GTF2B: variants seen among roughly 807,000 people sequenced by gnomAD.
GTF2B encodes the protein general transcription factor IIB, also known as transcription initiation factor IIB.
In GTF2B, 20 loss-of-function variants were observed where a neutral mutation model predicts 34.6. That is an observed-to-expected ratio of 0.58 (90% confidence interval 0.41 to 0.84). The LOEUF (loss-of-function observed/expected upper bound fraction) is 0.84. Among genes scored for constraint, GTF2B ranks in the 40% least tolerant of loss-of-function variants. The pLI is 0.00. For synonymous variants in GTF2B, 142 were observed against 132.4 expected, an observed-to-expected ratio of 1.07 and a Z score of -0.50; for missense variants, 237 against 393.3, an observed-to-expected ratio of 0.60 and a Z score of 3.36.
At chr1:88,859,650 A>G (rs1281703157) in intron 5 of GTF2B, among the ~76,000 whole-genome samples, 2 of 152,316 alleles carry the variant, frequency 1.3e-5, no homozygotes, top group East Asian at 3.9e-4. Flanking sequence ...AGCCTGGCCA[A>G]CATGGCGAAA....
rs1454187491 is a variant in GTF2B at position 88,891,552 on chromosome 1, A to T, written c.-53T>A. 1 of 1,554,808 alleles carries T rather than the reference A, an allele frequency of 6.4e-7. No individual in the cohort carries two copies. ...AAGACACAACAGACACACCGAAAGC[A>T]GGAAGCGAATGTGGCGAAGAGACGC... On this transcript the variant is annotated 5_prime_UTR_variant, in exon 1 of 7. Transcript: ENST00000370500.
At chr1:88,863,360 T>C (rs1184092229) in intron 3 of GTF2B, among the ~76,000 whole-genome samples, 2 of 152,016 alleles carry the variant, frequency 1.3e-5, no homozygotes, top group Non-Finnish European at 2.9e-5. Context: ...TTCTTTTTTT[T>C]TGAGACAGAG....
intron 6 of GTF2B, 124 bp downstream of exon 6, chr1:88,857,082 T>C: frequency 2.4e-6 from 2 of 839,760 alleles, no homozygotes; most frequent in East Asian, 2.4e-5. Flanking sequence ...ATTATAGGTG[T>C]GAGCCCCCGC....
At position 88,881,429 on chromosome 1, in the gene GTF2B, A is replaced by C. The variant is rs150252383; in HGVS notation, c.124+5832T>G. 3.6e-3 allele frequency among the ~76,000 whole-genome samples: 546 copies of C among 152,338 alleles called. 1 individual carries two copies. The highest frequency in any genetic ancestry group is 6.0e-3 in the Non-Finnish European group (406 of 68,028). ...GATTTTAATGCAATCTAAATGTACT[A>C]TTGATATATGACATTAATATATACA... On this transcript the variant is annotated intron_variant, in intron 2 of 6. Coordinates refer to ENST00000370500, the MANE Select transcript of GTF2B (RefSeq NM_001514.6).
chr1:88,880,070 AAAAAAGAAAAAG>A (rs942055372), intron 2 of GTF2B, among the ~76,000 whole-genome samples: 1 of 152,156 alleles, frequency 6.6e-6, no homozygotes, highest in African/African-American at 2.4e-5. Context: ...TCAAAAAAAT[AAAAAAGAAAAAG>A]AAAAAGAAAA....
At chr1:88,887,721 T>C (rs992275085) in intron 1 of GTF2B, 6 of 247,914 alleles carry the variant, frequency 2.4e-5, no homozygotes, top group African/African-American at 4.7e-5. Flanking sequence ...TACATTACCA[T>C]CCAGTTTGTG....
At chr1:88,871,330 T>C (rs1202554166) in intron 2 of GTF2B, among the ~76,000 whole-genome samples, 1 of 152,222 alleles carries the variant, frequency 6.6e-6, no homozygotes, top group African/African-American at 2.4e-5. Flanking sequence ...TGGCTTAAAA[T>C]GAAGGTTTAT....
In GTF2B at chr1:88,856,354, A is replaced by C. The variant is rs549033970; in HGVS notation, c.817+852T>G. 2.6e-3 allele frequency among the ~76,000 whole-genome samples: 388 copies of C among 151,950 alleles called. 2 individuals carry two copies. Among genetic ancestry groups the C allele is most frequent in the South Asian group, 7.9e-3 (38 of 4,800 alleles). On this transcript the variant is annotated intron_variant, in intron 6 of 6. Coordinates refer to ENST00000370500, the MANE Select transcript of GTF2B (RefSeq NM_001514.6). ...TGGTGAAAGTTTTCCTACAACACTA[A>C]ATTTAAACATAGCTTTAGAAGGCTG...
chr1:88,864,908 T>A (rs1043485971), intron 2 of GTF2B, among the ~76,000 whole-genome samples: 2 of 152,236 alleles, frequency 1.3e-5, no homozygotes, highest in East Asian at 1.9e-4. Context: ...ATTGCCACTT[T>A]ACAAATAAGA....
intron 2 of GTF2B, among the ~76,000 whole-genome samples, chr1:88,868,960 C>T (rs1168515628): frequency 1.3e-5 from 2 of 152,054 alleles, no homozygotes; most frequent in Non-Finnish European, 2.9e-5. Context: ...AGGATGGTCT[C>T]GATCTCCTGA....
intron 2 of GTF2B, among the ~76,000 whole-genome samples, chr1:88,872,340 G>C (rs186963270): frequency 2.2e-4 from 33 of 151,084 alleles, no homozygotes; most frequent in Admixed American, 6.0e-4. Context: ...GCAACCCCAG[G>C]TACTTGGGAG....
At chr1:88,884,524 T>C (rs1445733247) in intron 2 of GTF2B, among the ~76,000 whole-genome samples, 2 of 152,260 alleles carry the variant, frequency 1.3e-5, no homozygotes, top group Non-Finnish European at 2.9e-5. Context: ...TTTCTCTGCA[T>C]ACATTTCTTC....
chr1:88,857,958 A>G (rs1435218949), intron 5 of GTF2B, among the ~76,000 whole-genome samples: 1 of 150,440 alleles, frequency 6.6e-6, no homozygotes. Flanking sequence ...CTGAGATTAC[A>G]GGCATGAGCC....
intron 2 of GTF2B, among the ~76,000 whole-genome samples, chr1:88,875,991 G>C (rs1673809249): frequency 6.6e-6 from 1 of 152,258 alleles, no homozygotes; most frequent in South Asian, 2.1e-4. Flanking sequence ...AAACAAACCA[G>C]CTCAAAGGGC....
chr1:88,868,642 A>C (rs563481444), intron 2 of GTF2B, among the ~76,000 whole-genome samples: 1 of 152,194 alleles, frequency 6.6e-6, no homozygotes, highest in Non-Finnish European at 1.5e-5. Flanking sequence ...GTCAAAAGTC[A>C]CTTGCACCAG....
intron 6 of GTF2B, among the ~76,000 whole-genome samples, chr1:88,856,291 C>CAAAAAAAAAAAAAAAA (rs1162915523): frequency 2.3e-5 from 2 of 86,144 alleles, no homozygotes; most frequent in African/African-American, 4.3e-5. Flanking sequence ...AAAAAAAAAA[C>CAAAAAAAAAAAAAAAA]AAAAAAAAAA....
Position 88,860,289 on chromosome 1 carries a change from A to G in GTF2B, c.259-3T>C. On this transcript the variant is annotated splice_polypyrimidine_tract_variant and splice_region_variant and intron_variant, in intron 3 of 6. Transcript: ENST00000370500. ...TCAAAACTTGCAGCTCCTGTGCCCT[A>G]TAAAACAGTTTTATAACTATGAAAA... 6.2e-7 allele frequency: 1 copy of G among 1,606,948 alleles called. No homozygotes were observed. The highest frequency in any genetic ancestry group is 2.2e-5 in the East Asian group (1 of 44,830).
chr1:88,870,025 T>C (rs1411352675), intron 2 of GTF2B, among the ~76,000 whole-genome samples: 1 of 151,940 alleles, frequency 6.6e-6, no homozygotes. Flanking sequence ...CCTCCCTGGT[T>C]CACGCCCTTC....
At chr1:88,887,708 A>T in intron 1 of GTF2B, 1 of 255,974 alleles carries the variant, frequency 3.9e-6, no homozygotes, top group Non-Finnish European at 7.6e-6. Context: ...AACCTGCAGC[A>T]TTTACATTAC....
Sources: gnomAD v4.1 joint callset for allele counts (sites outside exome capture counted in the v4.1 genomes callset) on GRCh38, gnomAD v4.1.1 for gene constraint, MANE v1.5 for transcripts, NCBI Gene and HGNC (gene_info 2026-07-23, HGNC 2026-07-21) for gene names.